The following CIB1 variants were observed in gnomAD, a reference collection of about 807,000 sequenced individuals.
CIB1 encodes the protein calcium and integrin binding 1.
A neutral mutation model predicts 25.0 loss-of-function variants in CIB1; 19 were observed. That is an observed-to-expected ratio of 0.76 (90% CI 0.53 to 1.12). CIB1 has a LOEUF of 1.12. CIB1 is among the 50% of genes most tolerant of loss of function. The pLI is 0.00. For missense variants in CIB1, 236 were observed against 242.6 expected (o/e 0.97, Z 0.18); for synonymous variants, 104 against 98.5 (o/e 1.06, Z -0.33).
chr15:90,245,579 G>A, the CIB1 span: 1 of 151,838 alleles, frequency 6.6e-6, no homozygotes, highest in Admixed American at 6.6e-5. Context: ...CTTTTTGCAA[G>A]CTTTTGCATG....
chr15:90,258,999 A>T, the CIB1 span: 3 of 1,610,164 alleles, frequency 1.9e-6, no homozygotes, highest in Non-Finnish European at 2.5e-6. Flanking sequence ...TTAGATGAAG[A>T]ATGTGGCCTG....
At chr15:90,256,468 A>C in the CIB1 span, among the ~76,000 whole-genome samples, 1 of 152,006 alleles carries the variant, frequency 6.6e-6, no homozygotes, top group Non-Finnish European at 1.5e-5. Context: ...CCTGGGGTTG[A>C]ATCTCAGTTT....
At chr15:90,265,343 C>T in the CIB1 span, 1 of 1,223,382 alleles carries the variant, frequency 8.2e-7, no homozygotes, top group Non-Finnish European at 1.0e-6. Flanking sequence ...ACTGGGCTGT[C>T]GCCGTCAGAA....
upstream of CIB1, among the ~76,000 whole-genome samples, chr15:90,235,252 C>T (rs1463767049): frequency 6.6e-6 from 1 of 152,168 alleles, no homozygotes; most frequent in East Asian, 1.9e-4. Flanking sequence ...ACTGTATTAA[C>T]AGGTACATTC....
chr15:90,264,922 G>T, the CIB1 span: 1 of 1,536,098 alleles, frequency 6.5e-7, no homozygotes, highest in African/African-American at 1.4e-5. Flanking sequence ...CTGCACCCAT[G>T]CTGCAGCGTT....
chr15:90,231,543 C>G (rs1384703716), intron 3 of CIB1, 36 bp from the exon 4 acceptor site: 3 of 1,604,842 alleles, frequency 1.9e-6, no homozygotes, highest in African/African-American at 1.3e-5. Context: ...TGGCCCAGGT[C>G]ACACGCTCAT....
the CIB1 span, among the ~76,000 whole-genome samples, chr15:90,254,556 G>A: frequency 7.3e-6 from 1 of 137,898 alleles, no homozygotes; most frequent in Non-Finnish European, 1.6e-5. Context: ...AATGCAGGCT[G>A]GGCACGGTGG....
At chr15:90,234,023 TAAAA>T, upstream of CIB1, 7 of 1,027,420 alleles carry the variant, frequency 6.8e-6, no homozygotes, top group South Asian at 1.1e-4. Flanking sequence ...CGCCCCCTCC[TAAAA>T]GCTGCCAGGC....
chr15:90,233,543 C>T, intron 2 of CIB1, 126 bp downstream of exon 2: 1 of 1,253,802 alleles, frequency 8.0e-7, no homozygotes, highest in Non-Finnish European at 1.1e-6. Context: ...GGCTAGGTCT[C>T]CCGGCCTCCA....
At chr15:90,256,282 G>T in the CIB1 span, 1 of 1,614,190 alleles carries the variant, frequency 6.2e-7, no homozygotes, top group Non-Finnish European at 8.5e-7. Flanking sequence ...TGATCTGCCA[G>T]CAATACATCT....
chr15:90,233,149 T>C (rs750788913), intron 2 of CIB1, among the ~76,000 whole-genome samples: 4 of 152,180 alleles, frequency 2.6e-5, no homozygotes, highest in African/African-American at 4.8e-5. Context: ...TTACTCAGAG[T>C]GTTGTCTTAA....
chr15:90,250,510 T>A, the CIB1 span: 105 of 1,280,900 alleles, frequency 8.2e-5, no homozygotes, highest in Non-Finnish European at 1.0e-4. Flanking sequence ...GCAGCAACTT[T>A]CCCTTATAAC....
the CIB1 span, chr15:90,241,796 G>C: frequency 6.2e-7 from 1 of 1,614,056 alleles, no homozygotes; most frequent in Non-Finnish European, 8.5e-7. Flanking sequence ...GGGGAGCTCC[G>C]CCGGGAAAGA....
the CIB1 span, chr15:90,264,025 T>C: frequency 6.5e-7 from 1 of 1,535,904 alleles, no homozygotes; most frequent in Non-Finnish European, 8.7e-7. Context: ...TGGGAGGTGC[T>C]ATTTTTCCAG....
the CIB1 span, chr15:90,240,796 A>C: frequency 1.4e-5 from 10 of 711,632 alleles, no homozygotes; most frequent in Non-Finnish European, 1.8e-5. Context: ...CCTGGGTGAC[A>C]GAGTGAGACT....
upstream of CIB1, among the ~76,000 whole-genome samples, chr15:90,236,685 C>T (rs1962642211): frequency 6.6e-6 from 1 of 151,066 alleles, no homozygotes; most frequent in South Asian, 2.1e-4. Flanking sequence ...AGGAGTGCAC[C>T]ACCACGCCCA....
In CIB1 at chr15:90,231,077, G is replaced by A. The variant is rs370566116; in HGVS notation, c.465+18C>T. The stretch of plus-strand genomic sequence containing the variant: ...CCCAACTGCTCCCTCCCGCTCCCAG[G>A]CCTGCTCAGCTGCTCACGTTGTCGA... On this transcript the variant is annotated intron_variant, in intron 5 of 6. Coordinates refer to ENST00000328649, the MANE Select transcript of CIB1 (RefSeq NM_006384.4). 2.0e-5 allele frequency: 32 copies of A among 1,613,180 alleles called. No homozygotes were observed. The highest frequency in any genetic ancestry group is 2.4e-5 in the Non-Finnish European group (28 of 1,179,232).
chr15:90,262,860 A>G, the CIB1 span: 1 of 1,306,116 alleles, frequency 7.7e-7, no homozygotes, highest in Non-Finnish European at 1.0e-6. Flanking sequence ...TTCCTGGGTC[A>G]GGGAAGGGAT....
At chr15:90,254,868 A>T in the CIB1 span, among the ~76,000 whole-genome samples, 1 of 152,148 alleles carries the variant, frequency 6.6e-6, no homozygotes, top group Non-Finnish European at 1.5e-5. Flanking sequence ...AAAAAAAAGG[A>T]TAAGGATAAC....
Sources: gnomAD v4.1 joint callset for allele counts (sites outside exome capture counted in the v4.1 genomes callset) on GRCh38, gnomAD v4.1.1 for gene constraint, MANE v1.5 for transcripts, NCBI Gene and HGNC (gene_info 2026-07-23, HGNC 2026-07-21) for gene names.